Variants in AGO2 observed in about 807,000 individuals in gnomAD.
AGO2 encodes argonaute RISC catalytic component 2, also known as protein argonaute-2.
Under a neutral mutation model 102.3 loss-of-function variants are expected in AGO2, and 5 were observed. The ratio of observed to expected loss-of-function variants is 0.05; its 90% CI spans 0.03 to 0.10. The LOEUF (loss-of-function observed/expected upper bound fraction) is 0.10, where lower values mean the gene tolerates loss of function less well. Among genes scored for constraint, AGO2 ranks in the 10% least tolerant of loss-of-function variants. The probability of loss-of-function intolerance (pLI) is 1.00; values close to 1 mark genes in which losing one functional copy is unlikely to be tolerated. For missense variants in AGO2, 541 were observed against 1,183.7 expected, an observed-to-expected ratio of 0.46 and a Z score of 7.97; for synonymous variants, 449 against 473.1, an observed-to-expected ratio of 0.95 and a Z score of 0.66.
chr8:140,570,121 C>CA (rs1341535140), intron 3 of AGO2, among the ~76,000 whole-genome samples: 1 of 152,278 alleles, frequency 6.6e-6, no homozygotes, highest in Non-Finnish European at 1.5e-5. Flanking sequence ...ACAGAACCCC[C>CA]AAACCAGTGG....
Position 140,526,038 on chromosome 8 carries a change from CTTAG to C in AGO2, c.*6002_*6005del, listed in dbSNP as rs1421375851. On this transcript the variant is annotated 3_prime_UTR_variant, in exon 19 of 19. Transcript: ENST00000220592. This position sits in a 1 kb window ranked among gnomAD's most constrained non-coding sequence, Gnocchi z 5.2. ...TGAACAGAATGCTTTGCTTTCAACC[CTTAG>C]TTTGTTTTGCAGTAGGGAGTGAGAG... 3.3e-5 allele frequency: 5 copies of C among 152,162 alleles called. No individual in the cohort carries two copies. Among genetic ancestry groups the C allele is most frequent in the African/African-American group, 7.2e-5 (3 of 41,450 alleles). 9.4% of individuals were successfully genotyped at this position (152,162 alleles called of 1,614,324 possible).
At chr8:140,586,972 A>T in intron 1 of AGO2, among the ~76,000 whole-genome samples, 1 of 152,154 alleles carries the variant, frequency 6.6e-6, no homozygotes, top group East Asian at 1.9e-4. Context: ...ACCATACCAC[A>T]AAGGGGCACA....
At chr8:140,552,736 GCGCGCACACACA>G (rs1444112201) in intron 10 of AGO2, among the ~76,000 whole-genome samples, 2 of 132,936 alleles carry the variant, frequency 1.5e-5, no homozygotes, top group Non-Finnish European at 3.2e-5. Context: ...GCACGCGCGC[GCGCGCACACACA>G]CACACACACA....
At chr8:140,558,322 G>C (rs559276500) in intron 7 of AGO2, among the ~76,000 whole-genome samples, 163 bp downstream of exon 7, 1 of 152,246 alleles carries the variant, frequency 6.6e-6, no homozygotes, top group Non-Finnish European at 1.5e-5. Context: ...CTTAGGTGAA[G>C]TCTGGAATCT....
At position 140,634,313 on chromosome 8, in the gene AGO2, G is replaced by A. The variant is rs73364345; in HGVS notation, c.22+1172C>T. Among the ~76,000 whole-genome samples, 1,180 of 152,394 alleles carry A rather than the reference G, an allele frequency of 7.7e-3. 24 individuals are homozygous for A. Among genetic ancestry groups the A allele is most frequent in the African/African-American group, 0.026 (1,086 of 41,598 alleles). ...CCAAGGTGGGCCAGGGGGCCTTCCGGACCCCACAATTTGGGGCCGGTCTGC... is the reference window on the plus strand; with the variant it reads ...CCAAGGTGGGCCAGGGGGCCTTCCGAACCCCACAATTTGGGGCCGGTCTGC... On this transcript the variant is annotated intron_variant, in intron 1 of 18. Transcript: ENST00000220592.
At chr8:140,538,264 T>C (rs1464906220) in intron 16 of AGO2, among the ~76,000 whole-genome samples, 1 of 152,210 alleles carries the variant, frequency 6.6e-6, no homozygotes, top group East Asian at 1.9e-4. Flanking sequence ...CTCTGAAGTA[T>C]TCTTTCCTGG....
At chr8:140,603,338 A>T (rs1210073581) in intron 1 of AGO2, among the ~76,000 whole-genome samples, 3 of 152,178 alleles carry the variant, frequency 2.0e-5, no homozygotes, top group African/African-American at 7.2e-5. Flanking sequence ...TGTGCAAGGG[A>T]GGAGGGATCC....
In AGO2 at chr8:140,565,183, T is replaced by C. The variant is rs573861407; in HGVS notation, c.337-2549A>G. 3.3e-5 allele frequency among the ~76,000 whole-genome samples: 5 copies of C among 151,712 alleles called. No homozygotes were observed. The South Asian group carries it at 1.0e-3, about 32-fold the overall frequency. Reference sequence around the variant, plus strand: ...AGCCAGGCACGGTGGCTCACACCTGTAATCCCAGCACTTTGGGAGGCTGAG... The same window carrying C: ...AGCCAGGCACGGTGGCTCACACCTGCAATCCCAGCACTTTGGGAGGCTGAG... On this transcript the variant is annotated intron_variant, in intron 3 of 18. Transcript: ENST00000220592.
intron 6 of AGO2, among the ~76,000 whole-genome samples, chr8:140,558,815 C>T (rs1360845621): frequency 6.6e-6 from 1 of 152,200 alleles, no homozygotes; most frequent in Non-Finnish European, 1.5e-5. Context: ...TGTCCACCCT[C>T]GTGCTGTTCT....
Position 140,610,057 on chromosome 8 carries a change from A to T in AGO2, c.23-24746T>A, listed in dbSNP as rs535466155. Among the ~76,000 whole-genome samples, 592 of 146,062 alleles carry T rather than the reference A, an allele frequency of 4.1e-3. 3 individuals carry two copies. Among genetic ancestry groups the T allele is most frequent in the Non-Finnish European group, 5.8e-3 (387 of 66,582 alleles). ...AAAAAAAAAAAAAAAAAAAAAAGAA[A>T]AGCCAGGTATGGTGGTGCACACCCG... is the stretch of plus-strand genomic sequence containing the variant. On this transcript the variant is annotated intron_variant, in intron 1 of 18. Coordinates refer to ENST00000220592, the MANE Select transcript of AGO2 (RefSeq NM_012154.5).
intron 1 of AGO2, among the ~76,000 whole-genome samples, chr8:140,594,388 A>G (rs2073790896): frequency 6.6e-6 from 1 of 152,224 alleles, no homozygotes. Context: ...ATATTTTAAA[A>G]TTTAATAACC....
intron 3 of AGO2, among the ~76,000 whole-genome samples, chr8:140,568,763 T>C (rs2073332992): frequency 1.3e-5 from 2 of 152,242 alleles, no homozygotes; most frequent in South Asian, 2.1e-4. Context: ...CTGCAAAGTG[T>C]AGTGGGAATT....
At chr8:140,634,027 A>G (rs2074371267) in intron 1 of AGO2, among the ~76,000 whole-genome samples, 1 of 152,198 alleles carries the variant, frequency 6.6e-6, no homozygotes, top group South Asian at 2.1e-4. Context: ...GAAGGTCCCA[A>G]CTCACAAGGG....
intron 7 of AGO2, 137 bp downstream of exon 7, chr8:140,558,348 G>T: frequency 1.1e-6 from 1 of 890,226 alleles, no homozygotes; most frequent in South Asian, 1.5e-5. Context: ...GCCATGTAAG[G>T]GACAATTTTG....
At chr8:140,605,307 G>A (rs539455356) in intron 1 of AGO2, among the ~76,000 whole-genome samples, 170 of 152,294 alleles carry the variant, frequency 1.1e-3, no homozygotes, top group African/African-American at 3.9e-3. Flanking sequence ...ATGTTGCCCA[G>A]GCTGGACTTG....
At chr8:140,548,826 A>T (rs373795250) in intron 12 of AGO2, among the ~76,000 whole-genome samples, 2 of 152,262 alleles carry the variant, frequency 1.3e-5, no homozygotes, top group East Asian at 3.9e-4. Context: ...TCCAGCCAAC[A>T]CGCATGCTGT....
chr8:140,579,174 C>T (rs2073512508), intron 2 of AGO2, among the ~76,000 whole-genome samples: 1 of 151,600 alleles, frequency 6.6e-6, no homozygotes, highest in Admixed American at 6.6e-5. Context: ...AGTGAGCCAT[C>T]ACTGCGTCAC....
chr8:140,541,537 A>C, intron 14 of AGO2, 179 bp from the exon 15 acceptor site: 1 of 581,516 alleles, frequency 1.7e-6, no homozygotes. Flanking sequence ...GGTGTCTGGC[A>C]ATAGTGTTCG....
intron 17 of AGO2, among the ~76,000 whole-genome samples, chr8:140,533,185 C>T (rs564836927): frequency 0.012 from 1,733 of 148,514 alleles, 11 homozygotes; most frequent in Admixed American, 0.02. Context: ...GTCAGGAGAT[C>T]GAGACCATCC....
Sources: allele counts gnomAD v4.1 joint callset (sites outside exome capture counted in the v4.1 genomes callset), GRCh38; gene constraint gnomAD v4.1.1; non-coding constraint Gnocchi (gnomAD v3.1); transcripts MANE v1.5; gene names NCBI Gene and HGNC (gene_info 2026-07-23, HGNC 2026-07-21).